Variants in GALNT13 observed in about 807,000 individuals in gnomAD.
The protein encoded by GALNT13 is polypeptide N-acetylgalactosaminyltransferase 13.
A neutral mutation model predicts 64.2 loss-of-function variants in GALNT13; 28 were observed. That is an observed-to-expected ratio of 0.44 (90% confidence interval 0.32 to 0.60). GALNT13 has a LOEUF of 0.60. Ranked by LOEUF, GALNT13 falls within the 20% of genes least tolerant of loss-of-function variation. The probability of loss-of-function intolerance (pLI) is 0.05; values close to 1 mark genes in which losing one functional copy is unlikely to be tolerated. For missense variants in GALNT13, 577 were observed against 669.8 expected (o/e 0.86, Z 1.53); for synonymous variants, 214 against 224.6 (o/e 0.95, Z 0.42).
chr2:154,000,284 A>G (rs910032076), intron 3 of GALNT13, among the ~76,000 whole-genome samples: 3 of 151,052 alleles, frequency 2.0e-5, no homozygotes, highest in East Asian at 1.9e-4. Flanking sequence ...TCGGTCTCTT[A>G]TACGTTTTTA....
chr2:154,042,731 T>C (rs1699052739), intron 3 of GALNT13, among the ~76,000 whole-genome samples: 1 of 148,294 alleles, frequency 6.7e-6, no homozygotes, highest in Non-Finnish European at 1.5e-5. Flanking sequence ...TATTAGGTTT[T>C]CATTAATATT....
chr2:153,081,859 A>G, the GALNT13 span, among the ~76,000 whole-genome samples: 1 of 152,024 alleles, frequency 6.6e-6, no homozygotes, highest in South Asian at 2.1e-4. Flanking sequence ...TGATATTCTG[A>G]TTTCCTTTTT....
chr2:154,363,092 A>G (rs2105290174), intron 9 of GALNT13, among the ~76,000 whole-genome samples: 1 of 152,212 alleles, frequency 6.6e-6, no homozygotes, highest in South Asian at 2.1e-4. Context: ...ACCTGATTCT[A>G]CTGATCTCTG....
At chr2:153,875,361 T>G (rs1333568639) in intron 1 of GALNT13, among the ~76,000 whole-genome samples, 4 of 152,196 alleles carry the variant, frequency 2.6e-5, no homozygotes, top group Admixed American at 2.6e-4. Context: ...CTGTACCCAA[T>G]TTTTATATTT....
the GALNT13 span, among the ~76,000 whole-genome samples, chr2:153,204,898 A>AG: frequency 2.6e-5 from 4 of 152,178 alleles, no homozygotes; most frequent in Admixed American, 2.6e-4. Flanking sequence ...GGGAAAAAAA[A>AG]GAGGTGATTT....
chr2:154,233,880 T>C (rs1369424958), intron 4 of GALNT13, among the ~76,000 whole-genome samples: 1 of 152,046 alleles, frequency 6.6e-6, no homozygotes, highest in Admixed American at 6.6e-5. Context: ...GAAGCAGAGA[T>C]CTAAGCAAGC....
chr2:153,207,882 A>G, the GALNT13 span, among the ~76,000 whole-genome samples: 1 of 152,166 alleles, frequency 6.6e-6, no homozygotes, highest in Non-Finnish European at 1.5e-5. Flanking sequence ...CAACTTGCAG[A>G]ATGTAGTTAG....
At chr2:154,152,613 G>A (rs1416064946) in intron 4 of GALNT13, among the ~76,000 whole-genome samples, 1 of 152,040 alleles carries the variant, frequency 6.6e-6, no homozygotes. Flanking sequence ...CATATTTCTT[G>A]GAGGCTTTGT....
the GALNT13 span, among the ~76,000 whole-genome samples, chr2:153,403,669 C>T: frequency 1.8e-4 from 27 of 152,280 alleles, 1 homozygote; most frequent in African/African-American, 5.5e-4. Context: ...GCACAGTATT[C>T]GGGTGGGAGT....
At chr2:153,544,861 G>C in the GALNT13 span, among the ~76,000 whole-genome samples, 1 of 152,190 alleles carries the variant, frequency 6.6e-6, no homozygotes, top group African/African-American at 2.4e-5. Flanking sequence ...AACAAAATCG[G>C]TTATAATCAT....
At chr2:153,072,293 G>T in the GALNT13 span, among the ~76,000 whole-genome samples, 1 of 152,178 alleles carries the variant, frequency 6.6e-6, no homozygotes, top group African/African-American at 2.4e-5. Flanking sequence ...GATTCACCAT[G>T]TGAGGAGCAC....
chr2:153,638,026 G>A, the GALNT13 span, among the ~76,000 whole-genome samples: 1 of 150,634 alleles, frequency 6.6e-6, no homozygotes, highest in African/African-American at 2.5e-5. Context: ...TGGACAAGGA[G>A]GTCTCACTTA....
the GALNT13 span, among the ~76,000 whole-genome samples, chr2:153,525,673 A>C: frequency 6.6e-6 from 1 of 152,174 alleles, no homozygotes; most frequent in African/African-American, 2.4e-5. Context: ...ATGTGAAAAA[A>C]TAATGTGTTC....
chr2:154,294,530 A>G (rs1692809285), intron 8 of GALNT13, among the ~76,000 whole-genome samples: 1 of 152,202 alleles, frequency 6.6e-6, no homozygotes, highest in Admixed American at 6.5e-5. Context: ...CACAAGGTTT[A>G]TGACCAACAC....
chr2:153,134,972 G>A, the GALNT13 span, among the ~76,000 whole-genome samples: 3 of 152,142 alleles, frequency 2.0e-5, no homozygotes, highest in Non-Finnish European at 4.4e-5. Context: ...TAAATAGTGA[G>A]AGAGTCACAG....
the GALNT13 span, among the ~76,000 whole-genome samples, chr2:153,838,283 G>T: frequency 1.6e-3 from 238 of 151,828 alleles, 2 homozygotes; most frequent in South Asian, 2.9e-3. Flanking sequence ...TTTTGCTTTT[G>T]TTGCTTGTGC....
At chr2:153,622,874 A>G in the GALNT13 span, among the ~76,000 whole-genome samples, 2 of 152,238 alleles carry the variant, frequency 1.3e-5, no homozygotes, top group East Asian at 3.9e-4. Flanking sequence ...TATTAACCCT[A>G]TATGTAAATG....
the GALNT13 span, among the ~76,000 whole-genome samples, chr2:153,518,598 A>C: frequency 6.6e-6 from 1 of 152,292 alleles, no homozygotes. Context: ...AAATTTATAA[A>C]GTAAAGGGTT....
At chr2:153,293,235 G>A in the GALNT13 span, among the ~76,000 whole-genome samples, 1 of 152,022 alleles carries the variant, frequency 6.6e-6, no homozygotes, top group Non-Finnish European at 1.5e-5. Flanking sequence ...ACTTCATATG[G>A]CAAAGTGCAC....
Sources: allele counts gnomAD v4.1 joint callset (sites outside exome capture counted in the v4.1 genomes callset), GRCh38; gene constraint gnomAD v4.1.1; transcripts MANE v1.5; gene names NCBI Gene and HGNC (gene_info 2026-07-23, HGNC 2026-07-21).